SLC4A4: variants seen among roughly 807,000 people sequenced by gnomAD.
SLC4A4 encodes the protein solute carrier family 4 member 4, also known as electrogenic sodium bicarbonate cotransporter 1.
In SLC4A4, 27 loss-of-function variants were observed where a neutral mutation model predicts 111.5. That is an observed-to-expected ratio of 0.24 (90% CI 0.18 to 0.33). SLC4A4 has a LOEUF of 0.33. Ranked by LOEUF, SLC4A4 falls within the 10% of genes least tolerant of loss-of-function variation. The pLI, the probability that SLC4A4 is intolerant of heterozygous loss-of-function variation, is 1.00. For missense variants in SLC4A4, 909 were observed against 1,315.5 expected (o/e 0.69, Z 4.78); for synonymous variants, 443 against 463.4 (o/e 0.96, Z 0.57).
intron 3 of SLC4A4, among the ~76,000 whole-genome samples, chr4:71,296,332 A>C (rs1443550610): frequency 6.6e-6 from 1 of 152,216 alleles, no homozygotes; most frequent in Non-Finnish European, 1.5e-5. Context: ...TTAAATGTAC[A>C]TGTAGAAAGA....
chr4:71,454,863 TG>T (rs1726081754), intron 12 of SLC4A4, among the ~76,000 whole-genome samples: 1 of 152,200 alleles, frequency 6.6e-6, no homozygotes, highest in Non-Finnish European at 1.5e-5. Context: ...GTTCTCTCTT[TG>T]GTCCCTCATT....
intron 3 of SLC4A4, among the ~76,000 whole-genome samples, chr4:71,321,981 G>A (rs1324480071): frequency 6.6e-6 from 1 of 151,960 alleles, no homozygotes; most frequent in Non-Finnish European, 1.5e-5. Flanking sequence ...CTTCACAAAA[G>A]TTGAGGATCA....
chr4:71,556,079 A>G (rs1393320411), intron 21 of SLC4A4, among the ~76,000 whole-genome samples: 1 of 151,978 alleles, frequency 6.6e-6, no homozygotes, highest in Non-Finnish European at 1.5e-5. Flanking sequence ...ACCCCTTCAA[A>G]ATAGTCCTTG....
chr4:71,238,475 A>G (rs889064730), intron 2 of SLC4A4, among the ~76,000 whole-genome samples: 1 of 152,214 alleles, frequency 6.6e-6, no homozygotes, highest in Non-Finnish European at 1.5e-5. Flanking sequence ...AAAATTCAAG[A>G]AATGTGTTGG....
intron 1 of SLC4A4, among the ~76,000 whole-genome samples, chr4:71,227,380 C>T (rs1309068900): frequency 6.6e-6 from 1 of 152,058 alleles, no homozygotes; most frequent in African/African-American, 2.4e-5. Flanking sequence ...AGGAGAGATA[C>T]CAAAGTGTGT....
chr4:71,291,549 C>T (rs528026601), intron 3 of SLC4A4, among the ~76,000 whole-genome samples: 1 of 152,048 alleles, frequency 6.6e-6, no homozygotes, highest in Non-Finnish European at 1.5e-5. Flanking sequence ...CAGCAATCCT[C>T]TCGTCTCAGC....
chr4:71,501,070 A>G (rs1326775119), intron 16 of SLC4A4, among the ~76,000 whole-genome samples: 6 of 152,338 alleles, frequency 3.9e-5, no homozygotes, highest in Middle Eastern at 3.4e-3. Context: ...AATAATACCA[A>G]TTCTTCAAAT....
intron 15 of SLC4A4, among the ~76,000 whole-genome samples, chr4:71,488,394 G>GA (rs1165350270): frequency 6.6e-5 from 10 of 151,110 alleles, no homozygotes; most frequent in South Asian, 2.1e-4. Flanking sequence ...TAAGGTTCTT[G>GA]AAAAAAAATG....
At chr4:71,527,866 G>A (rs1165732883) in intron 16 of SLC4A4, among the ~76,000 whole-genome samples, 1 of 151,996 alleles carries the variant, frequency 6.6e-6, no homozygotes, top group Non-Finnish European at 1.5e-5. Flanking sequence ...CATGTAAATG[G>A]CATTTTAAAG....
At chr4:71,566,609 GT>G (rs1222219831) in intron 24 of SLC4A4, among the ~76,000 whole-genome samples, 7 of 151,600 alleles carry the variant, frequency 4.6e-5, no homozygotes, top group African/African-American at 1.7e-4. Context: ...GATAGAAGTA[GT>G]GTTGCAGTAT....
rs369855033 is a variant in SLC4A4, at chr4:71,335,611, G to T, written c.254-3759G>T. ...AGGGCCGAGGAGCGGGGATCACAAG[G>T]TTGGGAGATCGAGACCATCCTGACT... On this transcript the variant is annotated intron_variant, in intron 3 of 25. Transcript: ENST00000264485. 4.6e-4 allele frequency among the ~76,000 whole-genome samples: 70 copies of T among 152,250 alleles called. 1 individual carries two copies. The highest frequency in any genetic ancestry group is 1.6e-3 in the African/African-American group (66 of 41,528).
chr4:71,295,061 T>A (rs1724668802), intron 3 of SLC4A4, among the ~76,000 whole-genome samples: 1 of 152,198 alleles, frequency 6.6e-6, no homozygotes, highest in Admixed American at 6.5e-5. Context: ...AATTTTTAGA[T>A]ATGGTTGATT....
intron 2 of SLC4A4, among the ~76,000 whole-genome samples, chr4:71,120,914 G>A (rs531905360): frequency 6.6e-6 from 1 of 152,310 alleles, no homozygotes; most frequent in Non-Finnish European, 1.5e-5. Context: ...CTCTGCTTGC[G>A]GGGAGGTGTG....
At chr4:71,171,257 A>G (rs1199211642) in intron 2 of SLC4A4, among the ~76,000 whole-genome samples, 1 of 151,690 alleles carries the variant, frequency 6.6e-6, no homozygotes, top group Non-Finnish European at 1.5e-5. Context: ...GCAAATGGAG[A>G]GTGTGGAGAG....
At chr4:71,388,417 T>TGG (rs1312558552) in intron 6 of SLC4A4, among the ~76,000 whole-genome samples, 1 of 152,214 alleles carries the variant, frequency 6.6e-6, no homozygotes, top group East Asian at 1.9e-4. Flanking sequence ...CCAGTCTTTA[T>TGG]ATGTCTTTTG....
At chr4:71,273,834 AACTT>A (rs1386231225) in intron 3 of SLC4A4, among the ~76,000 whole-genome samples, 1 of 152,204 alleles carries the variant, frequency 6.6e-6, no homozygotes, top group Non-Finnish European at 1.5e-5. Flanking sequence ...CCAGTTAACT[AACTT>A]CTTTAAGTCT....
At chr4:71,453,963 A>G (rs1725988535) in intron 12 of SLC4A4, among the ~76,000 whole-genome samples, 1 of 152,208 alleles carries the variant, frequency 6.6e-6, no homozygotes, top group South Asian at 2.1e-4. Flanking sequence ...AATTTTGTAC[A>G]GTGCACAAGG....
chr4:71,110,096 A>C (rs1295254637), intron 2 of SLC4A4, among the ~76,000 whole-genome samples: 1 of 152,208 alleles, frequency 6.6e-6, no homozygotes, highest in Non-Finnish European at 1.5e-5. Context: ...AAATCGTTGC[A>C]TCAGGCAGAT....
At chr4:71,331,649 A>T (rs4362792) in intron 3 of SLC4A4, among the ~76,000 whole-genome samples, 3 of 148,730 alleles carry the variant, frequency 2.0e-5, no homozygotes, top group African/African-American at 7.5e-5. Context: ...GTTAATGGGT[A>T]TAGCACACCA....
Sources: gnomAD v4.1 joint callset for allele counts (sites outside exome capture counted in the v4.1 genomes callset) on GRCh38, gnomAD v4.1.1 for gene constraint, MANE v1.5 for transcripts, NCBI Gene and HGNC (gene_info 2026-07-23, HGNC 2026-07-21) for gene names.